The following BCAS3 variants were observed in gnomAD, a reference collection of about 807,000 sequenced individuals.
BCAS3 encodes the protein BCAS3 microtubule associated cell migration factor.
In BCAS3, 53 loss-of-function variants were observed where a neutral mutation model predicts 116.1. The ratio of observed to expected loss-of-function variants is 0.46; its 90% confidence interval spans 0.37 to 0.57. The LOEUF is 0.57. Among genes scored for constraint, BCAS3 ranks in the 20% least tolerant of loss-of-function variants. The pLI, the probability that BCAS3 is intolerant of heterozygous loss-of-function variation, is 0.00. For missense variants in BCAS3, 917 were observed against 1,165.4 expected (o/e 0.79, Z 3.10); for synonymous variants, 391 against 408.2 (o/e 0.96, Z 0.51).
Position 61,063,406 on chromosome 17 carries a change from A to G in BCAS3, c.2030-11514A>G, listed in dbSNP as rs1244415674. On this transcript the variant is annotated intron_variant, in intron 19 of 23. Coordinates refer to ENST00000407086, the MANE Select transcript of BCAS3 (RefSeq NM_017679.5). This position sits in a 1 kb window ranked among gnomAD's most constrained non-coding sequence, Gnocchi z 5.3. ...CGCCTCAGCCTCCCGAGTAGCTGGG[A>G]CTACAGGCACCTGCCACCACGCTTG... 1.3e-5 allele frequency among the ~76,000 whole-genome samples: 2 copies of G among 151,846 alleles called. No individual in the cohort carries two copies. Among genetic ancestry groups the G allele is most frequent in the Non-Finnish European group, 2.9e-5 (2 of 67,966 alleles).
intron 1 of BCAS3, among the ~76,000 whole-genome samples, 171 bp downstream of exon 1, chr17:60,678,085 C>T (rs905205093): frequency 5.3e-5 from 8 of 152,126 alleles, no homozygotes; most frequent in African/African-American, 1.9e-4. Flanking sequence ...GCAGCGGTGG[C>T]TCCGTGTTGG....
chr17:60,711,293 A>G (rs955363830), intron 5 of BCAS3, among the ~76,000 whole-genome samples: 1 of 151,814 alleles, frequency 6.6e-6, no homozygotes, highest in African/African-American at 2.4e-5. Flanking sequence ...GTTCTTTGTA[A>G]TTTTGGTATT....
chr17:61,067,273 G>GTATATATATATATATATATATA (rs1199603635), intron 19 of BCAS3, among the ~76,000 whole-genome samples: 21 of 58,796 alleles, frequency 3.6e-4, no homozygotes, highest in Non-Finnish European at 3.7e-4. Context: ...GTGTGTATGT[G>GTATATATATATATATATATATA]TATATATATA....
chr17:60,820,711 G>A (rs2049885396), intron 7 of BCAS3, among the ~76,000 whole-genome samples: 1 of 152,134 alleles, frequency 6.6e-6, no homozygotes, highest in Admixed American at 6.5e-5. Context: ...CTGATGGAAT[G>A]GGGGTATAAG....
At chr17:61,237,220 T>C (rs1232267907) in intron 22 of BCAS3, among the ~76,000 whole-genome samples, 1 of 152,134 alleles carries the variant, frequency 6.6e-6, no homozygotes, top group Admixed American at 6.5e-5. Flanking sequence ...TTGTAACATG[T>C]ACCAATCAGC....
rs556575464 is a variant in BCAS3, at chr17:61,387,172, C to G, written c.2594-4805C>G. Among the ~76,000 whole-genome samples the G allele has an allele frequency of 3.3e-5, 5 of 152,330 alleles. No homozygotes were observed. In the East Asian group the frequency reaches 9.7e-4, roughly 29 times the overall value. ...TGTGCCCTCCGCATTTCACCCCTCCCGGGGAGTCTGCTGCCCGTCAACTCA... is the reference window on the plus strand; with the variant it reads ...TGTGCCCTCCGCATTTCACCCCTCCGGGGGAGTCTGCTGCCCGTCAACTCA... On this transcript the variant is annotated intron_variant, in intron 23 of 23. Coordinates refer to ENST00000407086, the MANE Select transcript of BCAS3 (RefSeq NM_017679.5). This position sits in a 1 kb window ranked among gnomAD's most constrained non-coding sequence, Gnocchi z 6.2.
intron 22 of BCAS3, among the ~76,000 whole-genome samples, chr17:61,168,245 C>T (rs1197956844): frequency 6.6e-6 from 1 of 152,132 alleles, no homozygotes; most frequent in African/African-American, 2.4e-5. Flanking sequence ...TTAACTCCCA[C>T]ACTCTGGAAG....
At chr17:61,318,709 C>G (rs981847496) in intron 22 of BCAS3, among the ~76,000 whole-genome samples, 1 of 152,192 alleles carries the variant, frequency 6.6e-6, no homozygotes, top group African/African-American at 2.4e-5. Context: ...TGTCCACCTG[C>G]AACTTTCTGC....
chr17:60,945,554 A>G (rs1018287496), intron 13 of BCAS3, among the ~76,000 whole-genome samples: 1 of 152,206 alleles, frequency 6.6e-6, no homozygotes, highest in African/African-American at 2.4e-5. Flanking sequence ...TAATCCCAGC[A>G]CTTTGGGAGG....
intron 5 of BCAS3, among the ~76,000 whole-genome samples, chr17:60,728,989 A>C (rs2040193572): frequency 6.6e-6 from 1 of 152,178 alleles, no homozygotes; most frequent in Admixed American, 6.5e-5. Context: ...TTTCCAGTCA[A>C]TATTTCTCCT....
chr17:60,865,042 G>A (rs965659535), intron 7 of BCAS3, among the ~76,000 whole-genome samples: 5 of 152,106 alleles, frequency 3.3e-5, no homozygotes, highest in African/African-American at 4.8e-5. Flanking sequence ...ACTGATCACA[G>A]ATCATTCTAA....
In BCAS3 at chr17:61,228,843, G is replaced by C. The variant is rs762387624; in HGVS notation, c.2426-139484G>C. ...CCTCTAAGTGTTCAAGTGTAAAAAA[G>C]AGGTTCGCCTCTCACTTTAAATCAA... On this transcript the variant is annotated intron_variant, in intron 22 of 23. Transcript: ENST00000407086. This position sits in a 1 kb window ranked among gnomAD's most constrained non-coding sequence, Gnocchi z 5.0. Among the ~76,000 whole-genome samples the C allele has an allele frequency of 3.3e-5, 5 of 152,174 alleles. No homozygotes were observed. Among genetic ancestry groups the C allele is most frequent in the African/African-American group, 4.8e-5 (2 of 41,434 alleles).
Position 60,958,535 on chromosome 17 carries a change from CAGAGT to C in BCAS3, c.1221+11185_1221+11189del, listed in dbSNP as rs537529783. 1.0e-3 allele frequency among the ~76,000 whole-genome samples: 154 copies of C among 152,222 alleles called. 1 individual carries two copies. The highest frequency in any genetic ancestry group is 3.5e-3 in the African/African-American group (146 of 41,544). On this transcript the variant is annotated intron_variant, in intron 14 of 23. Coordinates refer to ENST00000407086, the MANE Select transcript of BCAS3 (RefSeq NM_017679.5). ...ACTCTGAAAGCTAGAAAATATTGCTCAGAGTAAAGACCTAAATAAATGGAGAATTA... is the reference window on the plus strand; with the variant it reads ...ACTCTGAAAGCTAGAAAATATTGCTCAAAGACCTAAATAAATGGAGAATTA...
intron 6 of BCAS3, among the ~76,000 whole-genome samples, chr17:60,748,742 T>A (rs979457009): frequency 4.6e-5 from 7 of 152,338 alleles, no homozygotes; most frequent in African/African-American, 1.7e-4. Context: ...CTAATTAATA[T>A]TGCTAATATT....
chr17:60,762,079 T>G (rs990893294), intron 6 of BCAS3, among the ~76,000 whole-genome samples: 1 of 152,176 alleles, frequency 6.6e-6, no homozygotes, highest in Middle Eastern at 3.2e-3. Context: ...GTAAACTTGT[T>G]TAAGTTCTTT....
In BCAS3 at chr17:61,388,467, C is replaced by T. The variant is rs2059963434; in HGVS notation, c.2594-3510C>T. On this transcript the variant is annotated intron_variant, in intron 23 of 23. Transcript: ENST00000407086. This position sits in a 1 kb window ranked among gnomAD's most constrained non-coding sequence, Gnocchi z 6.5. Reference sequence around the variant, plus strand: ...GTCCCCAGCCCCTACACATGCATGTCACTGTCCTCCTTGACTGCAAACTCC... The same window carrying T: ...GTCCCCAGCCCCTACACATGCATGTTACTGTCCTCCTTGACTGCAAACTCC... 1.5e-6 allele frequency: 1 copy of T among 660,578 alleles called. No individual in the cohort carries two copies. Among genetic ancestry groups the T allele is most frequent in the Non-Finnish European group, 2.6e-6 (1 of 390,584 alleles). 40.9% of individuals were successfully genotyped at this position (660,578 alleles called of 1,614,324 possible).
In BCAS3 at chr17:60,956,776, C is replaced by T. The variant is rs1441291150; in HGVS notation, c.1221+9424C>T. On this transcript the variant is annotated intron_variant, in intron 14 of 23. Coordinates refer to ENST00000407086, the MANE Select transcript of BCAS3 (RefSeq NM_017679.5). The surrounding 1 kb of genome is among the most constrained non-coding windows in gnomAD (Gnocchi z 4.2). ...ATTTCTAAACCCCAAATACCAGGAC[C>T]TCAGTGACCACAAAATTAATTTTAT... Among the ~76,000 whole-genome samples the T allele has an allele frequency of 1.3e-5, 2 of 152,104 alleles. No homozygotes were observed. The highest frequency in any genetic ancestry group is 2.9e-5 in the Non-Finnish European group (2 of 68,006).
At chr17:61,304,767 T>TC (rs1344523211) in intron 22 of BCAS3, among the ~76,000 whole-genome samples, 2 of 152,016 alleles carry the variant, frequency 1.3e-5, no homozygotes, top group African/African-American at 4.8e-5. Context: ...CTTTTTTTTT[T>TC]TTTGAGGCGG....
intron 7 of BCAS3, among the ~76,000 whole-genome samples, chr17:60,856,486 C>G (rs1020598152): frequency 1.3e-5 from 2 of 151,954 alleles, no homozygotes; most frequent in African/African-American, 4.8e-5. Flanking sequence ...GCCAGTAGTT[C>G]GAGACTAGCC....
Sources: allele counts gnomAD v4.1 joint callset (sites outside exome capture counted in the v4.1 genomes callset), GRCh38; gene constraint gnomAD v4.1.1; non-coding constraint Gnocchi (gnomAD v3.1); transcripts MANE v1.5; gene names NCBI Gene and HGNC (gene_info 2026-07-23, HGNC 2026-07-21).